Variants in NDST3 observed in about 807,000 individuals in gnomAD.
The protein encoded by NDST3 is bifunctional heparan sulfate N-deacetylase/N-sulfotransferase 3.
Under a neutral mutation model 96.1 loss-of-function variants are expected in NDST3, and 58 were observed. The ratio of observed to expected loss-of-function variants is 0.60; its 90% CI spans 0.49 to 0.75. The LOEUF is 0.75. Ranked by LOEUF, NDST3 falls within the 30% of genes least tolerant of loss-of-function variation. The pLI is 0.00. For synonymous variants in NDST3, 333 were observed against 359.7 expected, an observed-to-expected ratio of 0.93 and a Z score of 0.84; for missense variants, 788 against 1,034.2, an observed-to-expected ratio of 0.76 and a Z score of 3.27.
At chr4:118,048,632 A>C (rs539553194) in intron 1 of NDST3, among the ~76,000 whole-genome samples, 83 of 152,334 alleles carry the variant, frequency 5.4e-4, no homozygotes, top group Non-Finnish European at 1.1e-3. Flanking sequence ...AAGACAAAGA[A>C]GGGCAATACA....
At chr4:118,035,433 TTTTTTG>T (rs1395742382) in intron 1 of NDST3, among the ~76,000 whole-genome samples, 2 of 75,508 alleles carry the variant, frequency 2.6e-5, no homozygotes, top group South Asian at 2.0e-3. Context: ...CACACACTTT[TTTTTTG>T]TTTTTTTTTT....
intron 6 of NDST3, among the ~76,000 whole-genome samples, chr4:118,215,762 G>A (rs1212353914): frequency 6.6e-6 from 1 of 152,072 alleles, no homozygotes; most frequent in East Asian, 1.9e-4. Context: ...ACCTTTGCTT[G>A]ACACTCCAGG....
chr4:118,094,917 A>G (rs1729169819), intron 2 of NDST3, among the ~76,000 whole-genome samples: 2 of 151,918 alleles, frequency 1.3e-5, no homozygotes, highest in Non-Finnish European at 1.5e-5. Context: ...GCATTTATTT[A>G]AAAGAGGGTG....
intron 2 of NDST3, among the ~76,000 whole-genome samples, chr4:118,067,034 C>G (rs536909724): frequency 1.2e-3 from 180 of 147,840 alleles, no homozygotes; most frequent in African/African-American, 4.2e-3. Flanking sequence ...GTTGAGTTCA[C>G]AGAGAAAGAC....
At chr4:118,140,962 C>T (rs907050955) in intron 5 of NDST3, among the ~76,000 whole-genome samples, 1 of 152,180 alleles carries the variant, frequency 6.6e-6, no homozygotes, top group East Asian at 1.9e-4. Context: ...CACATCCTAT[C>T]TACTTACTGT....
At chr4:118,212,499 C>T (rs1338638893) in intron 6 of NDST3, among the ~76,000 whole-genome samples, 1 of 152,170 alleles carries the variant, frequency 6.6e-6, no homozygotes, top group Non-Finnish European at 1.5e-5. Context: ...GTGATGGAGA[C>T]GTTGCACTCC....
At chr4:118,139,228 C>T (rs1425826971) in intron 5 of NDST3, among the ~76,000 whole-genome samples, 1 of 152,162 alleles carries the variant, frequency 6.6e-6, no homozygotes, top group Non-Finnish European at 1.5e-5. Context: ...TGAAAATGAA[C>T]CTACTGTGGC....
At chr4:118,186,467 G>C (rs1736968772) in intron 6 of NDST3, among the ~76,000 whole-genome samples, 1 of 152,252 alleles carries the variant, frequency 6.6e-6, no homozygotes, top group Admixed American at 6.5e-5. Context: ...AAAGCTGAAG[G>C]ACTTGGAGTC....
At chr4:118,217,306 G>A (rs547919154) in intron 6 of NDST3, among the ~76,000 whole-genome samples, 2 of 152,174 alleles carry the variant, frequency 1.3e-5, no homozygotes, top group African/African-American at 4.8e-5. Context: ...AAGATAAACT[G>A]GGACCATGTA....
At chr4:118,194,424 A>G in intron 6 of NDST3, 1 of 736,030 alleles carries the variant, frequency 1.4e-6, no homozygotes, top group South Asian at 1.4e-5. Flanking sequence ...CCGAAGGCAT[A>G]TTCTGGTTTG....
chr4:118,071,553 G>A (rs1189981720), intron 2 of NDST3, among the ~76,000 whole-genome samples: 2 of 152,012 alleles, frequency 1.3e-5, no homozygotes, highest in African/African-American at 4.8e-5. Context: ...TAGGATAATG[G>A]CCTCCAGCTC....
At chr4:118,193,507 G>A in intron 6 of NDST3, 1 of 940,090 alleles carries the variant, frequency 1.1e-6, no homozygotes, top group East Asian at 2.5e-5. Context: ...CCTCTGCCTT[G>A]GCCTTGTTCT....
At chr4:118,177,989 A>C (rs1403896156) in intron 6 of NDST3, among the ~76,000 whole-genome samples, 1 of 151,902 alleles carries the variant, frequency 6.6e-6, no homozygotes, top group Non-Finnish European at 1.5e-5. Context: ...GTTACAGTTA[A>C]GTTGAATGAG....
Position 118,120,420 on chromosome 4 carries a change from C to T in NDST3, c.1224+5460C>T, listed in dbSNP as rs185468396. On this transcript the variant is annotated intron_variant, in intron 4 of 13. Transcript: ENST00000296499. ...ACAGGGTAAGCAGGCTCAGGATTGG[C>T]GACTTTGAATAATTTCAGTATGCTC... is the stretch of plus-strand genomic sequence containing the variant. 1.2e-4 allele frequency among the ~76,000 whole-genome samples: 19 copies of T among 152,130 alleles called. No homozygotes were observed. In the East Asian group the frequency reaches 2.5e-3, roughly 20 times the overall value.
At chr4:118,081,282 T>G (rs1578598969) in intron 2 of NDST3, among the ~76,000 whole-genome samples, 1 of 152,242 alleles carries the variant, frequency 6.6e-6, no homozygotes, top group Middle Eastern at 3.4e-3. Context: ...TTATCTCTCC[T>G]AAAAAATACA....
chr4:118,131,616 T>C (rs1278866410), intron 4 of NDST3, among the ~76,000 whole-genome samples: 3 of 152,156 alleles, frequency 2.0e-5, no homozygotes, highest in Non-Finnish European at 4.4e-5. Flanking sequence ...ATTTAGTTCA[T>C]TTGGTGAGGT....
At chr4:118,223,084 A>G (rs1477376892) in intron 6 of NDST3, among the ~76,000 whole-genome samples, 2 of 152,006 alleles carry the variant, frequency 1.3e-5, no homozygotes, top group Non-Finnish European at 2.9e-5. Flanking sequence ...AAAAATTTTT[A>G]GGAGAAAGGT....
intron 2 of NDST3, among the ~76,000 whole-genome samples, chr4:118,102,499 C>T (rs1729843063): frequency 6.6e-6 from 1 of 152,070 alleles, no homozygotes; most frequent in African/African-American, 2.4e-5. Context: ...CCATTTTAGA[C>T]ATGTTGCATA....
In NDST3 at chr4:118,148,830, C is replaced by A. The variant is rs578113824; in HGVS notation, c.1539+5146C>A. ...TGGAACACATTCTAATAATAGGAGA[C>A]CCTTCGCTGAAAAATAAATAAATGA... On this transcript the variant is annotated intron_variant, in intron 6 of 13. Transcript: ENST00000296499. 3.3e-5 allele frequency among the ~76,000 whole-genome samples: 5 copies of A among 152,188 alleles called. No individual in the cohort carries two copies. The South Asian group carries it at 8.3e-4, about 25-fold the overall frequency.
Sources: allele counts gnomAD v4.1 joint callset (sites outside exome capture counted in the v4.1 genomes callset), GRCh38; gene constraint gnomAD v4.1.1; transcripts MANE v1.5; gene names NCBI Gene and HGNC (gene_info 2026-07-23, HGNC 2026-07-21).